BRF1: variants seen among roughly 807,000 people sequenced by gnomAD.
BRF1 encodes BRF1 general transcription factor IIIB subunit.
In BRF1, 59 loss-of-function variants were observed where a neutral mutation model predicts 81.7. The observed-to-expected ratio is 0.72, with a 90% confidence interval of 0.59 to 0.90. The LOEUF is 0.90. Among genes scored for constraint, BRF1 ranks in the 40% least tolerant of loss-of-function variants. The probability of loss-of-function intolerance (pLI) is 0.00; values close to 1 mark genes in which losing one functional copy is unlikely to be tolerated. For synonymous variants in BRF1, 491 were observed against 395.6 expected, an observed-to-expected ratio of 1.24 and a Z score of -2.86; for missense variants, 1,050 against 936.3, an observed-to-expected ratio of 1.12 and a Z score of -1.58.
chr14:105,270,225 G>T (rs587676598), intron 3 of BRF1, among the ~76,000 whole-genome samples: 1 of 149,732 alleles, frequency 6.7e-6, no homozygotes, highest in Non-Finnish European at 1.5e-5. Context: ...CCAGGCTGGA[G>T]TGCAGTGGCG....
intron 3 of BRF1, among the ~76,000 whole-genome samples, chr14:105,261,700 T>C (rs1171458144): frequency 1.3e-5 from 2 of 152,218 alleles, no homozygotes; most frequent in Non-Finnish European, 2.9e-5. Context: ...AGTGCTCTTG[T>C]ATATAGAGCC....
intron 12 of BRF1, 129 bp from the exon 13 acceptor site, chr14:105,219,361 T>C (rs1891875523): frequency 6.6e-7 from 1 of 1,506,594 alleles, no homozygotes; most frequent in Admixed American, 2.1e-5. Context: ...CTCTATTTAG[T>C]GCGGAGCCTG....
chr14:105,281,573 C>A (rs1240945746), intron 2 of BRF1, among the ~76,000 whole-genome samples: 3 of 151,744 alleles, frequency 2.0e-5, no homozygotes, highest in East Asian at 1.9e-4. Flanking sequence ...ACAGAGCCTG[C>A]GTGATCCTGA....
In BRF1 at chr14:105,228,927, A is replaced by C; in HGVS notation, c.695-14T>G. 2 of 1,612,920 alleles carry C rather than the reference A, an allele frequency of 1.2e-6. No homozygotes were observed. Among genetic ancestry groups the C allele is most frequent in the Non-Finnish European group, 1.7e-6 (2 of 1,179,768 alleles). On this transcript the variant is annotated splice_polypyrimidine_tract_variant and intron_variant, in intron 6 of 17. Coordinates refer to ENST00000547530, the MANE Select transcript of BRF1 (RefSeq NM_001519.4). ...CAACCAGGAGCGCTGGAAGGCAACG[A>C]GACGGGCCTCGTCAACCACGGCTGG... is the stretch of plus-strand genomic sequence containing the variant.
chr14:105,250,785 T>C, intron 5 of BRF1: 4 of 1,140,382 alleles, frequency 3.5e-6, no homozygotes, highest in South Asian at 3.2e-5. Flanking sequence ...CTTTGACATG[T>C]AGTCAGCTGA....
chr14:105,218,906 C>T, intron 14 of BRF1, 92 bp downstream of exon 14: 5 of 1,570,142 alleles, frequency 3.2e-6, no homozygotes, highest in Non-Finnish European at 4.4e-6. Context: ...CTAGACCCTC[C>T]TGTCACATGG....
chr14:105,288,265 G>A (rs1011940716), intron 1 of BRF1, among the ~76,000 whole-genome samples: 4 of 151,888 alleles, frequency 2.6e-5, no homozygotes, highest in Non-Finnish European at 4.4e-5. Context: ...CCATCTTGGC[G>A]AACATGGTGA....
At chr14:105,303,678 G>A (rs1414942255), upstream of BRF1, among the ~76,000 whole-genome samples, 1 of 152,122 alleles carries the variant, frequency 6.6e-6, no homozygotes, top group Non-Finnish European at 1.5e-5. Context: ...AATGTGCTGT[G>A]TTTTCATTTT....
chr14:105,212,270 C>T, intron 15 of BRF1, 106 bp from the exon 16 acceptor site: 1 of 1,440,280 alleles, frequency 6.9e-7, no homozygotes, highest in South Asian at 1.3e-5. Flanking sequence ...TTGACTGTTT[C>T]TCTGTCCCTT....
chr14:105,246,830 G>A, intron 5 of BRF1: 1 of 985,428 alleles, frequency 1.0e-6, no homozygotes. Flanking sequence ...TTATTCACAT[G>A]CTCCACACCA....
At chr14:105,249,163 G>A (rs1246764482) in intron 5 of BRF1, 2 of 1,579,514 alleles carry the variant, frequency 1.3e-6, no homozygotes, top group Non-Finnish European at 1.7e-6. Context: ...GCAGGAACGC[G>A]CTCATGTTCA....
At chr14:105,257,344 C>T (rs761251808) in intron 3 of BRF1, among the ~76,000 whole-genome samples, 1 of 152,142 alleles carries the variant, frequency 6.6e-6, no homozygotes, top group African/African-American at 2.4e-5. Flanking sequence ...GGAAGATCCC[C>T]GGGACCAGAG....
At chr14:105,283,047 T>A (rs1455612470) in intron 2 of BRF1, among the ~76,000 whole-genome samples, 1 of 152,238 alleles carries the variant, frequency 6.6e-6, no homozygotes, top group Non-Finnish European at 1.5e-5. Flanking sequence ...TCCCCTCTTG[T>A]GTCTCCAGAA....
At chr14:105,277,946 G>A (rs146743758) in intron 2 of BRF1, among the ~76,000 whole-genome samples, 2 of 152,230 alleles carry the variant, frequency 1.3e-5, no homozygotes, top group Non-Finnish European at 2.9e-5. Flanking sequence ...AGTACAGACA[G>A]GGTTTCACAC....
intron 5 of BRF1, chr14:105,247,112 C>T (rs2735819): frequency 0.26 from 257,038 of 985,322 alleles, 34,184 homozygotes; most frequent in Middle Eastern, 0.28. Flanking sequence ...AAACCACGGC[C>T]ACAGCAGCCA....
chr14:105,255,107 C>A (rs1176316139), intron 4 of BRF1, among the ~76,000 whole-genome samples: 5 of 152,188 alleles, frequency 3.3e-5, no homozygotes, highest in African/African-American at 1.2e-4. Flanking sequence ...AGGCAGGGAT[C>A]AAGAGGGAGA....
chr14:105,304,535 T>A (rs1409074370), upstream of BRF1, among the ~76,000 whole-genome samples: 1 of 152,186 alleles, frequency 6.6e-6, no homozygotes, highest in East Asian at 1.9e-4. Flanking sequence ...AGGGTGAGGC[T>A]CTACTGGGCA....
At chr14:105,249,690 C>T (rs1181325303) in intron 5 of BRF1, 5 of 1,613,736 alleles carry the variant, frequency 3.1e-6, no homozygotes, top group Middle Eastern at 1.6e-4. Context: ...GTGCTGGCCA[C>T]TCTGTACGCT....
intron 7 of BRF1, 71 bp downstream of exon 7, chr14:105,228,749 T>C: frequency 1.9e-6 from 3 of 1,546,712 alleles, no homozygotes; most frequent in Non-Finnish European, 2.7e-6. Flanking sequence ...GCGCCTGCTC[T>C]GGCAAGCAGG....
Sources: gnomAD v4.1 joint callset for allele counts (sites outside exome capture counted in the v4.1 genomes callset) on GRCh38, gnomAD v4.1.1 for gene constraint, MANE v1.5 for transcripts, NCBI Gene and HGNC (gene_info 2026-07-23, HGNC 2026-07-21) for gene names.